The following EBF4 variants were observed in gnomAD, a reference collection of about 807,000 sequenced individuals.
EBF4 encodes the protein EBF transcription factor 4.
A neutral mutation model predicts 67.1 loss-of-function variants in EBF4; 34 were observed. The ratio of observed to expected loss-of-function variants is 0.51; its 90% CI spans 0.39 to 0.67. EBF4 has a LOEUF of 0.67. Among genes scored for constraint, EBF4 ranks in the 30% least tolerant of loss-of-function variants. The pLI is 0.00. For missense variants in EBF4, 837 were observed against 873.3 expected (o/e 0.96, Z 0.52); for synonymous variants, 387 against 377.7 (o/e 1.02, Z -0.29).
Position 2,752,242 on chromosome 20 carries a change from GC to G in EBF4, c.1332del (p.Thr445ProfsTer102). 1 of 1,309,118 alleles carries G rather than the reference GC, an allele frequency of 7.6e-7. No individual in the cohort carries two copies. Among genetic ancestry groups the G allele is most frequent in the South Asian group, 2.2e-5 (1 of 45,530 alleles). The allele number at this position is 1,309,118 out of a possible 1,614,324, so 81.1% of individuals were successfully genotyped here. A position where few individuals can be genotyped will look rare whatever the true frequency, so the allele number is the denominator to read the frequency against. On this transcript the variant is annotated frameshift_variant, in exon 13 of 17. Transcript: ENST00000609451. LOFTEE classifies it high-confidence loss of function. The stretch of plus-strand genomic sequence containing the variant: ...CCCGCTGGCCATCGCCGTCGGGGAC[GC>G]CACCCCGGGGCCCGAGCCGGGTGCG...
chr20:2,723,179 T>C (rs1051900160), intron 6 of EBF4, among the ~76,000 whole-genome samples: 13 of 152,218 alleles, frequency 8.5e-5, no homozygotes, highest in African/African-American at 2.4e-4. Flanking sequence ...TATTCATTGA[T>C]ACTTTATTTC....
rs546947821 is a variant in EBF4, at chr20:2,755,311, G to C, written c.1541-316G>C. On this transcript the variant is annotated intron_variant, in intron 14 of 16. Transcript: ENST00000609451. This position sits in a 1 kb window ranked among gnomAD's most constrained non-coding sequence, Gnocchi z 4.7. Reference sequence around the variant, plus strand: ...CCCAGGGGTTTTCAGCAGAAATCCTGAAGTAGTCCAGCTGTTGCTCATCTC... The same window carrying C: ...CCCAGGGGTTTTCAGCAGAAATCCTCAAGTAGTCCAGCTGTTGCTCATCTC... 22 of 363,886 alleles carry C rather than the reference G, an allele frequency of 6.0e-5. No homozygotes were observed. The highest frequency in any genetic ancestry group is 1.3e-4 in the Admixed American group (3 of 22,354). The allele number at this position is 363,886 out of a possible 1,614,324, so 22.5% of individuals were successfully genotyped here. A position where few individuals can be genotyped will look rare whatever the true frequency, so the allele number is the denominator to read the frequency against.
intron 6 of EBF4, among the ~76,000 whole-genome samples, chr20:2,714,691 A>G (rs915490604): frequency 6.6e-6 from 1 of 152,174 alleles, no homozygotes; most frequent in African/African-American, 2.4e-5. Flanking sequence ...TTTTTAAAAA[A>G]CTGATTTGTA....
At position 2,752,672 on chromosome 20, in the gene EBF4, C is replaced by G. The variant is rs1000329522; in HGVS notation, c.1540+127C>G. ...TGAGAGTCGACCCTGGCTCAGCCCTCGGGGTCAGGCCCACCGTCCCCGCCT... is the reference window on the plus strand; with the variant it reads ...TGAGAGTCGACCCTGGCTCAGCCCTGGGGGTCAGGCCCACCGTCCCCGCCT... On this transcript the variant is annotated intron_variant, in intron 14 of 16. Coordinates refer to ENST00000609451, the Ensembl canonical transcript of EBF4. The G allele has an allele frequency of 1.2e-5, 10 of 836,454 alleles. 1 individual carries two copies. The Admixed American group carries it at 2.6e-4, about 22-fold the overall frequency. 51.8% of individuals were successfully genotyped at this position (836,454 alleles called of 1,614,324 possible).
chr20:2,750,098 G>T, intron 10 of EBF4, 125 bp downstream of exon 10: 1 of 1,360,194 alleles, frequency 7.4e-7, no homozygotes, highest in South Asian at 1.6e-5. Context: ...ACCCCTAGAC[G>T]GCCCCGGGCC....
At chr20:2,706,489 A>G (rs2087461388) in intron 4 of EBF4, among the ~76,000 whole-genome samples, 1 of 152,144 alleles carries the variant, frequency 6.6e-6, no homozygotes, top group African/African-American at 2.4e-5. Context: ...GGCTTGGGTC[A>G]TGTTTCCTAG....
intron 6 of EBF4, among the ~76,000 whole-genome samples, chr20:2,734,235 C>G (rs2087850137): frequency 6.6e-6 from 1 of 152,078 alleles, no homozygotes; most frequent in African/African-American, 2.4e-5. Flanking sequence ...TGGTGAAACC[C>G]TGTCTCTACA....
Position 2,756,416 on chromosome 20 carries a change from C to T in EBF4, c.1738+592C>T, listed in dbSNP as rs942363150. On this transcript the variant is annotated intron_variant, in intron 15 of 16. Coordinates refer to ENST00000609451, the Ensembl canonical transcript of EBF4. This position sits in a 1 kb window ranked among gnomAD's most constrained non-coding sequence, Gnocchi z 4.5. Reference sequence around the variant, plus strand: ...GAACCAGCAGAGCCTTTCCTATCCACGTGGTGATTGGAAACTCACTGGGAG... The same window carrying T: ...GAACCAGCAGAGCCTTTCCTATCCATGTGGTGATTGGAAACTCACTGGGAG... 1.3e-5 allele frequency among the ~76,000 whole-genome samples: 2 copies of T among 152,186 alleles called. No individual in the cohort carries two copies. The highest frequency in any genetic ancestry group is 2.9e-5 in the Non-Finnish European group (2 of 68,046).
chr20:2,731,553 G>A (rs747592748), intron 6 of EBF4, among the ~76,000 whole-genome samples: 2 of 152,180 alleles, frequency 1.3e-5, no homozygotes, highest in African/African-American at 2.4e-5. Context: ...GTCTAAATGG[G>A]CATCCCTCAA....
At chr20:2,746,143 G>T (rs1457383971) in intron 6 of EBF4, among the ~76,000 whole-genome samples, 1 of 152,138 alleles carries the variant, frequency 6.6e-6, no homozygotes, top group Non-Finnish European at 1.5e-5. Context: ...CGCACATGTG[G>T]GTGTAGTGTG....
chr20:2,744,492 C>CTTTTTTTTTTTTTTTTTTTT (rs35298353), intron 6 of EBF4, among the ~76,000 whole-genome samples: 9 of 115,886 alleles, frequency 7.8e-5, no homozygotes, highest in Admixed American at 1.1e-4. Context: ...TTTTTCTTTT[C>CTTTTTTTTTTTTTTTTTTTT]TTTTTTTTTT....
chr20:2,750,242 A>G (rs6515743), intron 10 of EBF4, among the ~76,000 whole-genome samples: 8,912 of 151,244 alleles, frequency 0.059, 802 homozygotes, highest in African/African-American at 0.2. Context: ...CAACATTCTT[A>G]CTCCCTCAGC....
At chr20:2,735,310 G>A (rs2087863157) in intron 6 of EBF4, among the ~76,000 whole-genome samples, 2 of 152,194 alleles carry the variant, frequency 1.3e-5, no homozygotes, top group Admixed American at 1.3e-4. Context: ...TAGCTTGCTA[G>A]TTTTCACAAC....
chr20:2,711,179 A>AATAATAATAATAAAAAAATT (rs962080100), intron 6 of EBF4, among the ~76,000 whole-genome samples: 1 of 149,576 alleles, frequency 6.7e-6, no homozygotes, highest in South Asian at 2.1e-4. Context: ...TAATAATAAT[A>AATAATAATAATAAAAAAATT]AAATTAAATT....
At chr20:2,749,443 G>A (rs1600241528) in exon 8 of EBF4, 1 of 1,548,084 alleles carries the variant, frequency 6.5e-7, no homozygotes, top group Non-Finnish European at 8.7e-7. Context: ...ACACGTGCTG[G>A]CCGTGTCCGA....
Position 2,745,921 on chromosome 20 carries a change from C to T in EBF4, c.558-2628C>T, listed in dbSNP as rs148180227. ...TGTCATCTTTTGGTGCAGTCCTATGCTTGTCGCATCTTCAGTGGTATCCAA... is the reference window on the plus strand; with the variant it reads ...TGTCATCTTTTGGTGCAGTCCTATGTTTGTCGCATCTTCAGTGGTATCCAA... On this transcript the variant is annotated intron_variant, in intron 6 of 16. Coordinates refer to ENST00000609451, the Ensembl canonical transcript of EBF4. This position sits in a 1 kb window ranked among gnomAD's most constrained non-coding sequence, Gnocchi z 5.2. Among the ~76,000 whole-genome samples, 10 of 152,292 alleles carry T rather than the reference C, an allele frequency of 6.6e-5. No homozygotes were observed. Among genetic ancestry groups the T allele is most frequent in the South Asian group, 2.1e-4 (1 of 4,828 alleles).
intron 6 of EBF4, among the ~76,000 whole-genome samples, chr20:2,737,046 G>A (rs949271754): frequency 3.0e-4 from 46 of 152,012 alleles, no homozygotes; most frequent in South Asian, 2.3e-3. Flanking sequence ...TCAGGAGATG[G>A]AGACCATCCT....
At chr20:2,726,622 T>G (rs533595559) in intron 6 of EBF4, among the ~76,000 whole-genome samples, 1 of 152,182 alleles carries the variant, frequency 6.6e-6, no homozygotes, top group East Asian at 1.9e-4. Context: ...TTTTTGAAGA[T>G]TTAAACGTGT....
chr20:2,700,627 C>G (rs2087360747), intron 1 of EBF4, among the ~76,000 whole-genome samples: 1 of 152,214 alleles, frequency 6.6e-6, no homozygotes, highest in African/African-American at 2.4e-5. Context: ...CCTCAGACCA[C>G]TCAGCACCTC....
Sources: gnomAD v4.1 joint callset for allele counts (sites outside exome capture counted in the v4.1 genomes callset) on GRCh38, gnomAD v4.1.1 for gene constraint, Gnocchi (gnomAD v3.1) non-coding constraint, MANE v1.5 for transcripts, NCBI Gene and HGNC (gene_info 2026-07-23, HGNC 2026-07-21) for gene names.